Variants in CFAP210 observed in about 807,000 individuals in gnomAD.
CFAP210 encodes cilia and flagella associated protein 210.
At chr2:169,675,188 G>T in the CFAP210 span, 1 of 647,964 alleles carries the variant, frequency 1.5e-6, no homozygotes, top group Non-Finnish European at 2.3e-6. Context: ...ACACTTATGA[G>T]CTTATTTTTT....
chr2:169,654,089 C>A, the CFAP210 span: 92 of 1,609,712 alleles, frequency 5.7e-5, no homozygotes, highest in East Asian at 8.9e-4. Context: ...GTGTTTCAGC[C>A]TCTTTTTCTT....
the CFAP210 span, among the ~76,000 whole-genome samples, chr2:169,660,660 G>C: frequency 1.3e-5 from 2 of 150,524 alleles, no homozygotes; most frequent in Admixed American, 1.3e-4. Flanking sequence ...CTGGAGTGCA[G>C]TGGCACGATC....
the CFAP210 span, chr2:169,649,371 CAT>C: frequency 1.3e-6 from 2 of 1,591,434 alleles, no homozygotes; most frequent in Non-Finnish European, 1.7e-6. Context: ...GCAAAGGAAA[CAT>C]ATAAAACCAG....
chr2:169,669,343 G>A, the CFAP210 span, among the ~76,000 whole-genome samples: 1 of 152,182 alleles, frequency 6.6e-6, no homozygotes, highest in Non-Finnish European at 1.5e-5. Flanking sequence ...ACAGAGCCTT[G>A]GAGGGGATGT....
chr2:169,672,580 C>T, the CFAP210 span, among the ~76,000 whole-genome samples: 17 of 152,218 alleles, frequency 1.1e-4, no homozygotes, highest in East Asian at 3.1e-3. Context: ...AGTCTAATGA[C>T]GGAAGAACCT....
the CFAP210 span, among the ~76,000 whole-genome samples, chr2:169,665,209 C>A: frequency 6.6e-6 from 1 of 152,110 alleles, no homozygotes; most frequent in Non-Finnish European, 1.5e-5. Context: ...AGGGTGAGGC[C>A]TAAAAAAGAA....
the CFAP210 span, among the ~76,000 whole-genome samples, chr2:169,672,588 C>T: frequency 1.2e-4 from 18 of 152,268 alleles, no homozygotes; most frequent in Non-Finnish European, 2.2e-4. Context: ...GACGGAAGAA[C>T]CTGGAATCTG....
At chr2:169,673,492 A>T in the CFAP210 span, among the ~76,000 whole-genome samples, 36 of 152,224 alleles carry the variant, frequency 2.4e-4, no homozygotes, top group Non-Finnish European at 4.6e-4. Context: ...TTCCCTTGTT[A>T]CTAAGGACTG....
the CFAP210 span, among the ~76,000 whole-genome samples, chr2:169,692,360 A>T: frequency 4.6e-5 from 7 of 151,998 alleles, no homozygotes; most frequent in Non-Finnish European, 1.0e-4. Flanking sequence ...AGGTGCCAGC[A>T]TCTGGCAGGG....
the CFAP210 span, among the ~76,000 whole-genome samples, chr2:169,670,815 A>G: frequency 6.6e-6 from 1 of 152,200 alleles, no homozygotes; most frequent in Non-Finnish European, 1.5e-5. Context: ...GTCACACACC[A>G]TTATTTCTGA....
chr2:169,661,081 G>A, the CFAP210 span: 70,519 of 541,538 alleles, frequency 0.13, 5,389 homozygotes, highest in Non-Finnish European at 0.17. Flanking sequence ...AGAATATGGC[G>A]TACTTGTCAA....
At chr2:169,668,201 A>G in the CFAP210 span, among the ~76,000 whole-genome samples, 1 of 152,186 alleles carries the variant, frequency 6.6e-6, no homozygotes, top group African/African-American at 2.4e-5. Context: ...CTCAAACCTC[A>G]TGAACCAACT....
the CFAP210 span, among the ~76,000 whole-genome samples, chr2:169,682,895 A>T: frequency 0.021 from 3,154 of 152,256 alleles, 105 homozygotes; most frequent in African/African-American, 0.071. Flanking sequence ...AACAGTATCT[A>T]CTGTACGTAA....
chr2:169,652,871 G>A, the CFAP210 span, among the ~76,000 whole-genome samples: 2 of 148,126 alleles, frequency 1.4e-5, no homozygotes, highest in African/African-American at 4.9e-5. Context: ...CTGGTGGCGG[G>A]CTCCTGTAGT....
At chr2:169,689,624 T>C in the CFAP210 span, among the ~76,000 whole-genome samples, 1 of 152,216 alleles carries the variant, frequency 6.6e-6, no homozygotes, top group African/African-American at 2.4e-5. Flanking sequence ...CTAAATGCCA[T>C]GGCTAGAATT....
At chr2:169,665,745 G>A in the CFAP210 span, among the ~76,000 whole-genome samples, 1 of 152,204 alleles carries the variant, frequency 6.6e-6, no homozygotes, top group African/African-American at 2.4e-5. Flanking sequence ...ATAACATCAA[G>A]GTTGCAGTGA....
At chr2:169,661,901 G>A in the CFAP210 span, among the ~76,000 whole-genome samples, 1 of 152,136 alleles carries the variant, frequency 6.6e-6, no homozygotes, top group African/African-American at 2.4e-5. Flanking sequence ...GTGATCTAGT[G>A]GAGGCAGGGA....
At chr2:169,694,220 C>T in the CFAP210 span, 1 of 1,606,524 alleles carries the variant, frequency 6.2e-7, no homozygotes, top group East Asian at 2.2e-5. Context: ...GCCGGGGGTC[C>T]AGAAACAATC....
chr2:169,650,235 A>G, the CFAP210 span: 3 of 1,245,196 alleles, frequency 2.4e-6, no homozygotes, highest in Non-Finnish European at 3.1e-6. Context: ...TATCTTGGCT[A>G]GTTTTTGGTT....
Sources: gnomAD v4.1 joint callset for allele counts (sites outside exome capture counted in the v4.1 genomes callset) on GRCh38, gnomAD v4.1.1 for gene constraint, MANE v1.5 for transcripts, NCBI Gene and HGNC (gene_info 2026-07-23, HGNC 2026-07-21) for gene names.